Variants in PTCD3 observed in about 807,000 individuals in gnomAD.
PTCD3 encodes the protein small ribosomal subunit protein mS39.
PTCD3 carries 89 observed loss-of-function variants against 101.9 expected under a neutral mutation model. The observed-to-expected ratio is 0.87, with a 90% confidence interval of 0.74 to 1.04. The LOEUF (loss-of-function observed/expected upper bound fraction) is 1.04, where lower values mean the gene tolerates loss of function less well. PTCD3 is among the 50% of genes least tolerant of loss of function. The pLI, the probability that PTCD3 is intolerant of heterozygous loss-of-function variation, is 0.00. For missense variants in PTCD3, 870 were observed against 828.2 expected, an observed-to-expected ratio of 1.05 and a Z score of -0.62; for synonymous variants, 296 against 278.5, an observed-to-expected ratio of 1.06 and a Z score of -0.63.
intron 16 of PTCD3, 72 bp downstream of exon 16, chr2:86,131,178 T>G (rs2104460107): frequency 8.9e-7 from 1 of 1,129,060 alleles, no homozygotes; most frequent in East Asian, 2.5e-5. Flanking sequence ...TTCTCCCTGG[T>G]TCTTTTCACT....
chr2:86,119,224 T>C (rs1674237094), intron 7 of PTCD3, 180 bp downstream of exon 7: 13 of 781,180 alleles, frequency 1.7e-5, no homozygotes, highest in Non-Finnish European at 2.5e-5. Flanking sequence ...TACTTAAGAA[T>C]TACAGGCGAA....
chr2:86,119,114 A>G (rs1674235235), intron 7 of PTCD3, 70 bp downstream of exon 7: 1 of 1,561,714 alleles, frequency 6.4e-7, no homozygotes, highest in Non-Finnish European at 8.7e-7. Flanking sequence ...TATGATTCAT[A>G]TATTTTGAGT....
At chr2:86,125,194 A>T (rs1674361189) in intron 10 of PTCD3, 112 bp downstream of exon 10, 3 of 1,477,636 alleles carry the variant, frequency 2.0e-6, no homozygotes, top group Admixed American at 4.6e-5. Flanking sequence ...TGTCCTGTGC[A>T]TTGTAGGATG....
At chr2:86,136,380 C>T (rs1674584864) in intron 21 of PTCD3, 141 bp from the exon 22 acceptor site, 2 of 795,734 alleles carry the variant, frequency 2.5e-6, no homozygotes, top group African/African-American at 1.7e-5. Flanking sequence ...CTAGTAGAGC[C>T]CACAGATGTG....
At chr2:86,120,030 C>T (rs1050984129) in intron 7 of PTCD3, among the ~76,000 whole-genome samples, 1 of 152,202 alleles carries the variant, frequency 6.6e-6, no homozygotes, top group African/African-American at 2.4e-5. Flanking sequence ...AATCATTATA[C>T]ACTTGAACAC....
chr2:86,131,024 T>A (rs1314632770), intron 15 of PTCD3, 54 bp from the exon 16 acceptor site: 1 of 1,555,634 alleles, frequency 6.4e-7, no homozygotes, highest in African/African-American at 1.4e-5. Context: ...GTTACTGACT[T>A]GAAAATATAT....
Position 86,124,990 on chromosome 2 carries a change from T to G in PTCD3, c.717-5T>G. 6.2e-7 allele frequency: 1 copy of G among 1,613,798 alleles called. No individual in the cohort carries two copies. Among genetic ancestry groups the G allele is most frequent in the Non-Finnish European group, 8.5e-7 (1 of 1,179,974 alleles). On this transcript the variant is annotated splice_polypyrimidine_tract_variant and splice_region_variant and intron_variant, in intron 9 of 23. Coordinates refer to ENST00000254630, the MANE Select transcript of PTCD3 (RefSeq NM_017952.6). ...CTGGGTTCACATTTACTCTCTTGTGTCTAGAGCAAAAAACAACGCTGAGAG... is the reference window on the plus strand; with the variant it reads ...CTGGGTTCACATTTACTCTCTTGTGGCTAGAGCAAAAAACAACGCTGAGAG...
Position 86,136,989 on chromosome 2 carries a change from T to C in PTCD3, c.1828T>C (p.Leu610=). The C allele has an allele frequency of 6.2e-7, 1 of 1,613,290 alleles. No homozygotes were observed. The change falls in exon 23 of 24, where the codon TTG becomes CTG. Residue 610 remains leucine, a synonymous_variant. Transcript: ENST00000254630. ...RKHNKIPRSE[L]LNELMDSAKV... ...TTTGCCTTTCTTTTACAGAAGTGAG[T>C]TGCTGAATGAGCTTATGGACAGTGC...
At chr2:86,114,574 TGA>T (rs1237600122) in intron 4 of PTCD3, among the ~76,000 whole-genome samples, 1 of 152,212 alleles carries the variant, frequency 6.6e-6, no homozygotes, top group African/African-American at 2.4e-5. Context: ...GCTTTCCACT[TGA>T]GAGTGTGATA....
In PTCD3 at chr2:86,127,981, T is replaced by C; in HGVS notation, c.1137T>C (p.Phe379=). 2 of 1,607,442 alleles carry C rather than the reference T, an allele frequency of 1.2e-6. No individual in the cohort carries two copies. Among genetic ancestry groups the C allele is most frequent in the Non-Finnish European group, 8.5e-7 (1 of 1,174,024 alleles). ...LATYHHIIRL[F]DQPGDPLKRS... ...CATATCACCATATTATTCGCCTGTT[T>C]GATCAACCTGGTATGTATGGCCTTA... The change falls in exon 14 of 24, where the codon TTT becomes TTC. Residue 379 remains phenylalanine, a synonymous_variant. Transcript: ENST00000254630.
intron 8 of PTCD3, among the ~76,000 whole-genome samples, chr2:86,121,964 A>G (rs1674291624): frequency 6.6e-6 from 1 of 152,202 alleles, no homozygotes; most frequent in Non-Finnish European, 1.5e-5. Context: ...GAGAGAACAC[A>G]CTAGGCTGGA....
At position 86,132,483 on chromosome 2, in the gene PTCD3, CTGTT is replaced by C. The variant is rs927363524; in HGVS notation, c.1373+60_1373+63del. The C allele has an allele frequency of 8.3e-6, 10 of 1,202,466 alleles. No individual in the cohort carries two copies. In the Admixed American group the frequency reaches 1.8e-4, roughly 22 times the overall value. The allele number at this position is 1,202,466 out of a possible 1,614,324, so 74.5% of individuals were successfully genotyped here. ...GTTACCAGATTCTGCAAGTGGGAGG[CTGTT>C]GATGTCCCTTCATACCTCACCTCTG... On this transcript the variant is annotated intron_variant, in intron 17 of 23. Transcript: ENST00000254630.
rs765764782 is a variant in PTCD3, at chr2:86,127,322, G to A, written c.1096+17G>A. 1 of 1,610,912 alleles carries A rather than the reference G, an allele frequency of 6.2e-7. No individual in the cohort carries two copies. The highest frequency in any genetic ancestry group is 8.5e-7 in the Non-Finnish European group (1 of 1,178,500). On this transcript the variant is annotated intron_variant, in intron 13 of 23. Transcript: ENST00000254630. ...TTGGAATAGGTGAGGATGCGCCCTT[G>A]AGTTCTCTGAGGACAGAGACTGTGC...
Position 86,119,015 on chromosome 2 carries a change from T to A in PTCD3, c.509T>A (p.Val170Glu), listed in dbSNP as rs192206378. ...RIELRKVKAS[V>E]DMFDQLLQAG... ...GAGCTCAGAAAAGTCAAAGCCTCTG[T>A]GGACATGTTTGATCAGCTTTTGCAA... The change falls in exon 7 of 24, where the codon GTG (valine) becomes GAG (glutamate). Residue 170 changes from valine (V) to glutamate (E), a missense_variant. Physicochemically the swap from Val to Glu is moderately radical, Grantham distance 121. Coordinates refer to ENST00000254630, the MANE Select transcript of PTCD3 (RefSeq NM_017952.6). The A allele has an allele frequency of 1.2e-6, 2 of 1,613,918 alleles. No individual in the cohort carries two copies. The highest frequency in any genetic ancestry group is 1.7e-6 in the Non-Finnish European group (2 of 1,180,018).
intron 1 of PTCD3, 149 bp from the exon 2 acceptor site, chr2:86,108,201 T>C: frequency 2.3e-6 from 2 of 852,986 alleles, no homozygotes; most frequent in Non-Finnish European, 3.7e-6. Context: ...TGAACATGTG[T>C]ACAGACTGTC....
intron 21 of PTCD3, 142 bp from the exon 22 acceptor site, chr2:86,136,379 C>A: frequency 2.6e-6 from 2 of 781,834 alleles, no homozygotes; most frequent in Non-Finnish European, 4.2e-6. Context: ...GCTAGTAGAG[C>A]CCACAGATGT....
chr2:86,106,889 T>TC (rs775393680), intron 1 of PTCD3, among the ~76,000 whole-genome samples: 6 of 152,222 alleles, frequency 3.9e-5, no homozygotes, highest in Non-Finnish European at 5.9e-5. Context: ...AATTTTTTTT[T>TC]CACTCAGTAC....
At chr2:86,122,208 CACATT>C (rs1453318796) in intron 8 of PTCD3, among the ~76,000 whole-genome samples, 1 of 152,144 alleles carries the variant, frequency 6.6e-6, no homozygotes, top group African/African-American at 2.4e-5. Flanking sequence ...GGCCATTGAG[CACATT>C]AGAGTAGATG....
At chr2:86,123,562 C>T in intron 8 of PTCD3, 139 bp from the exon 9 acceptor site, 1 of 601,390 alleles carries the variant, frequency 1.7e-6, no homozygotes, top group Non-Finnish European at 2.8e-6. Flanking sequence ...CGTAACTGGG[C>T]TTCCTCTTTG....
Sources: gnomAD v4.1 joint callset for allele counts (sites outside exome capture counted in the v4.1 genomes callset) on GRCh38, gnomAD v4.1.1 for gene constraint, MANE v1.5 for transcripts, NCBI Gene and HGNC (gene_info 2026-07-23, HGNC 2026-07-21) for gene names.